GNAQ: variants seen among roughly 807,000 people sequenced by gnomAD.
GNAQ encodes G protein subunit alpha q, also known as guanine nucleotide-binding protein G(q) subunit alpha.
A neutral mutation model predicts 43.9 loss-of-function variants in GNAQ; 8 were observed. The observed-to-expected ratio is 0.18, with a 90% CI of 0.11 to 0.33. The LOEUF is 0.33. Ranked by LOEUF, GNAQ falls within the 10% of genes least tolerant of loss-of-function variation. The pLI is 1.00. For missense variants in GNAQ, 158 were observed against 450.8 expected (o/e 0.35, Z 5.88); for synonymous variants, 155 against 170.7 (o/e 0.91, Z 0.71).
intron 1 of GNAQ, among the ~76,000 whole-genome samples, chr9:78,017,733 C>G (rs1407053400): frequency 6.6e-6 from 1 of 152,038 alleles, no homozygotes; most frequent in Non-Finnish European, 1.5e-5. Flanking sequence ...AGGAAAACAA[C>G]AGACTGGGGT....
chr9:77,783,574 C>A (rs1197638565), intron 5 of GNAQ, among the ~76,000 whole-genome samples: 1 of 152,138 alleles, frequency 6.6e-6, no homozygotes, highest in Non-Finnish European at 1.5e-5. Context: ...CCTGCCTGTG[C>A]GGGCTCCCAC....
chr9:77,827,329 G>A (rs1302794057), intron 2 of GNAQ, among the ~76,000 whole-genome samples: 1 of 145,304 alleles, frequency 6.9e-6, no homozygotes, highest in Non-Finnish European at 1.5e-5. Flanking sequence ...AAGCTAAAGT[G>A]ATTGGTGATG....
At chr9:78,000,010 C>T (rs557230613) in intron 1 of GNAQ, among the ~76,000 whole-genome samples, 6 of 152,192 alleles carry the variant, frequency 3.9e-5, no homozygotes, top group African/African-American at 1.4e-4. Context: ...AGTTAATATG[C>T]TTAGAAAGTA....
intron 3 of GNAQ, among the ~76,000 whole-genome samples, chr9:77,804,401 G>GT (rs1245058456): frequency 2.0e-5 from 3 of 152,208 alleles, no homozygotes; most frequent in Admixed American, 2.0e-4. Flanking sequence ...GTGGCGGCAT[G>GT]TGCCTACAGT....
At chr9:77,924,745 G>A (rs1222694141) in intron 1 of GNAQ, among the ~76,000 whole-genome samples, 1 of 152,056 alleles carries the variant, frequency 6.6e-6, no homozygotes, top group African/African-American at 2.4e-5. Flanking sequence ...TGTGACTGAT[G>A]AATGAATTAG....
At chr9:77,768,502 G>A (rs1451595275) in intron 5 of GNAQ, among the ~76,000 whole-genome samples, 2 of 152,148 alleles carry the variant, frequency 1.3e-5, no homozygotes, top group Admixed American at 1.3e-4. Context: ...CTGAGCTTGG[G>A]ACTTGAAAGC....
intron 2 of GNAQ, among the ~76,000 whole-genome samples, chr9:77,879,714 GC>G (rs535808996): frequency 6.6e-4 from 101 of 152,286 alleles, no homozygotes; most frequent in Middle Eastern, 6.8e-3. Flanking sequence ...TAATGCCTTT[GC>G]AAAGTACTGC....
At chr9:77,979,836 G>A (rs1355115077) in intron 1 of GNAQ, among the ~76,000 whole-genome samples, 1 of 152,004 alleles carries the variant, frequency 6.6e-6, no homozygotes, top group African/African-American at 2.4e-5. Context: ...TACATGATTT[G>A]GCATCTTGGC....
At chr9:77,805,334 C>A (rs1327936887) in intron 3 of GNAQ, among the ~76,000 whole-genome samples, 1 of 152,124 alleles carries the variant, frequency 6.6e-6, no homozygotes, top group Non-Finnish European at 1.5e-5. Flanking sequence ...CTTTTTGATA[C>A]CTGACATACG....
chr9:77,878,495 T>A lies in GNAQ; in HGVS notation c.321+43666A>T, dbSNP rs537077805. ...CACCTAATAAATAGGATTTTTGAAA[T>A]TGAACTGCATTGTATATAAAATGCC... On this transcript the variant is annotated intron_variant, in intron 2 of 6. Transcript: ENST00000286548. Among the ~76,000 whole-genome samples the A allele has an allele frequency of 2.0e-5, 3 of 152,258 alleles. No individual in the cohort carries two copies. In the South Asian group the frequency reaches 6.2e-4, roughly 32 times the overall value.
At chr9:77,881,860 G>A (rs1299906420) in intron 2 of GNAQ, among the ~76,000 whole-genome samples, 4 of 152,192 alleles carry the variant, frequency 2.6e-5, no homozygotes, top group Admixed American at 1.3e-4. Context: ...ATTATGGGCC[G>A]GGCATGGTGG....
At chr9:77,876,659 A>G (rs117390038) in intron 2 of GNAQ, among the ~76,000 whole-genome samples, 48 of 152,322 alleles carry the variant, frequency 3.2e-4, no homozygotes, top group Non-Finnish European at 6.2e-4. Flanking sequence ...TAAGCACTGG[A>G]CATTAATTCT....
intron 2 of GNAQ, among the ~76,000 whole-genome samples, chr9:77,824,856 T>A (rs953678502): frequency 6.6e-6 from 1 of 152,208 alleles, no homozygotes; most frequent in Non-Finnish European, 1.5e-5. Context: ...TATTGCTTCA[T>A]TTTTTTGTAC....
chr9:77,959,108 G>A (rs1417549929), intron 1 of GNAQ, among the ~76,000 whole-genome samples: 1 of 152,090 alleles, frequency 6.6e-6, no homozygotes, highest in Non-Finnish European at 1.5e-5. Context: ...CAAGGAGAGG[G>A]CCCCAGAGTT....
chr9:77,990,310 C>G (rs1197847661), intron 1 of GNAQ, among the ~76,000 whole-genome samples: 1 of 152,192 alleles, frequency 6.6e-6, no homozygotes, highest in African/African-American at 2.4e-5. Context: ...CAACCTTGAA[C>G]TCCTGGGTTC....
intron 2 of GNAQ, among the ~76,000 whole-genome samples, chr9:77,905,864 A>T (rs777412513): frequency 6.6e-6 from 1 of 152,196 alleles, no homozygotes; most frequent in Non-Finnish European, 1.5e-5. Flanking sequence ...CTCTCTCATA[A>T]GTAGGAGTTG....
chr9:77,888,596 T>G (rs192377514), intron 2 of GNAQ, among the ~76,000 whole-genome samples: 8 of 152,250 alleles, frequency 5.3e-5, no homozygotes, highest in Admixed American at 3.9e-4. Flanking sequence ...AAACCTTATT[T>G]TGAGTTATCC....
chr9:77,993,156 G>C, intron 1 of GNAQ, among the ~76,000 whole-genome samples: 1 of 152,232 alleles, frequency 6.6e-6, no homozygotes, highest in East Asian at 1.9e-4. Context: ...ACTTAATTCA[G>C]CTCTAAATAG....
chr9:78,023,622 T>C (rs1404774407), intron 1 of GNAQ, among the ~76,000 whole-genome samples: 1 of 151,358 alleles, frequency 6.6e-6, no homozygotes, highest in African/African-American at 2.4e-5. Flanking sequence ...CTGTTGCCCC[T>C]ACAGTAAAAG....
Sources: allele counts gnomAD v4.1 joint callset (sites outside exome capture counted in the v4.1 genomes callset), GRCh38; gene constraint gnomAD v4.1.1; transcripts MANE v1.5; gene names NCBI Gene and HGNC (gene_info 2026-07-23, HGNC 2026-07-21).